The following CHL1 variants were observed in gnomAD, a reference collection of about 807,000 sequenced individuals.
CHL1 encodes cell adhesion molecule L1 like.
CHL1 carries 96 observed loss-of-function variants against 141.9 expected under a neutral mutation model. That is an observed-to-expected ratio of 0.68 (90% CI 0.57 to 0.80). The LOEUF is 0.80. Among genes scored for constraint, CHL1 ranks in the 30% least tolerant of loss-of-function variants. The pLI, the probability that CHL1 is intolerant of heterozygous loss-of-function variation, is 0.00. For missense variants in CHL1, 1,820 were observed against 1,457.2 expected, an observed-to-expected ratio of 1.25 and a Z score of -4.05; for synonymous variants, 613 against 502.2, an observed-to-expected ratio of 1.22 and a Z score of -2.95.
intron 2 of CHL1, among the ~76,000 whole-genome samples, chr3:266,636 C>T (rs1695182484): frequency 6.6e-6 from 1 of 152,078 alleles, no homozygotes; most frequent in African/African-American, 2.4e-5. Context: ...GTGTGGTTTT[C>T]CTGCATCAAA....
chr3:364,741 G>T (rs539404688), intron 14 of CHL1, among the ~76,000 whole-genome samples: 12 of 152,162 alleles, frequency 7.9e-5, no homozygotes, highest in Admixed American at 2.6e-4. Context: ...GCAGATTTGG[G>T]TTCAAATCCT....
intron 3 of CHL1, among the ~76,000 whole-genome samples, chr3:323,819 C>G (rs1037719040): frequency 6.6e-6 from 1 of 152,052 alleles, no homozygotes. Flanking sequence ...GAGCAATGAT[C>G]CTGCCACTGC....
chr3:275,471 G>C (rs1386612303), intron 2 of CHL1, among the ~76,000 whole-genome samples: 5 of 152,086 alleles, frequency 3.3e-5, no homozygotes, highest in Non-Finnish European at 7.4e-5. Context: ...CGTAGGCCTA[G>C]GTTTACCACA....
rs1306574012 is a variant in CHL1 at position 238,991 on chromosome 3, C to T, written c.-174-5622C>T. Among the ~76,000 whole-genome samples the T allele has an allele frequency of 3.3e-5, 5 of 151,558 alleles. No individual in the cohort carries two copies. In the East Asian group the frequency reaches 9.7e-4, roughly 29 times the overall value. Reference sequence around the variant, plus strand: ...TTTTTTTTGTCTTGTGAGAATAAGGCATGTAGCTGCTCACACATGTAGCTT... The same window carrying T: ...TTTTTTTTGTCTTGTGAGAATAAGGTATGTAGCTGCTCACACATGTAGCTT... On this transcript the variant is annotated intron_variant, in intron 1 of 27. Transcript: ENST00000256509.
chr3:365,464 A>ACTTC (rs1280840457), intron 14 of CHL1, among the ~76,000 whole-genome samples: 1 of 152,192 alleles, frequency 6.6e-6, no homozygotes, highest in Non-Finnish European at 1.5e-5. Context: ...CACAGGCCCT[A>ACTTC]CTTCCCTGAG....
At chr3:242,743 GAT>G (rs1361432967) in intron 1 of CHL1, among the ~76,000 whole-genome samples, 2 of 151,976 alleles carry the variant, frequency 1.3e-5, no homozygotes, top group Admixed American at 6.6e-5. Flanking sequence ...TTACATACAT[GAT>G]TAATGTGAAT....
chr3:352,996 G>A lies in CHL1; in HGVS notation c.1034-1644G>A, dbSNP rs2125218159. The stretch of plus-strand genomic sequence containing the variant: ...TGTGTATTTATCTGTGGAATGGCGA[G>A]AACAGGAACTGGAGCTTCCTTTGCT... On this transcript the variant is annotated intron_variant, in intron 10 of 27. Coordinates refer to ENST00000256509, the MANE Select transcript of CHL1 (RefSeq NM_006614.4). Among the ~76,000 whole-genome samples, 2 of 152,294 alleles carry A rather than the reference G, an allele frequency of 1.3e-5. 1 individual carries two copies. Among genetic ancestry groups the A allele is most frequent in the South Asian group, 4.1e-4 (2 of 4,830 alleles).
rs181680634 is a variant in CHL1, at chr3:247,551, G to A, written c.-95+2859G>A. 2.0e-5 allele frequency: 3 copies of A among 152,138 alleles called. No homozygotes were observed. In the East Asian group the frequency reaches 5.8e-4, roughly 29 times the overall value. The allele number at this position is 152,138 out of a possible 1,614,324, so 9.4% of individuals were successfully genotyped here. A position where few individuals can be genotyped will look rare whatever the true frequency, so the allele number is the denominator to read the frequency against. On this transcript the variant is annotated intron_variant, in intron 2 of 27. Transcript: ENST00000256509. ...AGAAGAAAGAGAGGAACAGAAGGAG[G>A]GAAAGATTTTCCTGATAGATCACTT...
chr3:215,281 G>A (rs1700223096), intron 1 of CHL1, among the ~76,000 whole-genome samples: 1 of 152,108 alleles, frequency 6.6e-6, no homozygotes, highest in African/African-American at 2.4e-5. Context: ...GAATCTAGAG[G>A]ACAATATGCT....
At chr3:269,084 C>G (rs533539232) in intron 2 of CHL1, among the ~76,000 whole-genome samples, 1 of 152,196 alleles carries the variant, frequency 6.6e-6, no homozygotes, top group Non-Finnish European at 1.5e-5. Flanking sequence ...TGGTCAGAAT[C>G]CTGTCTCAGG....
intron 2 of CHL1, among the ~76,000 whole-genome samples, chr3:257,211 A>G (rs1419484876): frequency 6.6e-6 from 1 of 152,124 alleles, no homozygotes; most frequent in Non-Finnish European, 1.5e-5. Context: ...TAAATAATAA[A>G]CTTACATAAA....
intron 2 of CHL1, chr3:247,861 G>A (rs1444123135): frequency 1.3e-5 from 2 of 152,030 alleles, no homozygotes. Context: ...ATAAATAATC[G>A]AAGTTGTATG....
intron 2 of CHL1, among the ~76,000 whole-genome samples, chr3:264,218 C>T (rs189669420): frequency 1.9e-4 from 29 of 152,238 alleles, no homozygotes; most frequent in East Asian, 5.8e-4. Context: ...TATTTCTCTA[C>T]GCACTTTTAA....
chr3:314,083 C>G (rs1181542298), intron 2 of CHL1, among the ~76,000 whole-genome samples: 1 of 151,678 alleles, frequency 6.6e-6, no homozygotes, highest in Non-Finnish European at 1.5e-5. Context: ...GTCTTTTTTT[C>G]TGTTTGTTTT....
intron 2 of CHL1, among the ~76,000 whole-genome samples, chr3:283,932 A>C (rs774534564): frequency 3.3e-5 from 5 of 152,238 alleles, no homozygotes; most frequent in Admixed American, 6.5e-5. Context: ...GACTAATAGT[A>C]GGGAATTTAT....
In CHL1 at chr3:372,138, T is replaced by C. The variant is rs1705719708; in HGVS notation, c.1752-5680T>C. Among the ~76,000 whole-genome samples, 3 of 152,190 alleles carry C rather than the reference T, an allele frequency of 2.0e-5. No individual in the cohort carries two copies. The South Asian group carries it at 6.2e-4, about 31-fold the overall frequency. ...AGTGGTGTACTCTGTATTTCCTTAATTTGCATGTTGGCCTGTCTTGCTAGG... is the reference window on the plus strand; with the variant it reads ...AGTGGTGTACTCTGTATTTCCTTAACTTGCATGTTGGCCTGTCTTGCTAGG... On this transcript the variant is annotated intron_variant, in intron 15 of 27. Transcript: ENST00000256509.
At chr3:278,480 C>A (rs888932645) in intron 2 of CHL1, among the ~76,000 whole-genome samples, 6 of 152,212 alleles carry the variant, frequency 3.9e-5, no homozygotes, top group Admixed American at 3.9e-4. Context: ...ATGTCACACA[C>A]TACTGCAAGC....
chr3:284,482 A>G (rs1290901720), intron 2 of CHL1, among the ~76,000 whole-genome samples: 1 of 152,218 alleles, frequency 6.6e-6, no homozygotes. Context: ...CCGTGTGAGA[A>G]GTCTGACGTT....
chr3:348,101 C>T (rs1163253744), intron 9 of CHL1, among the ~76,000 whole-genome samples: 1 of 152,076 alleles, frequency 6.6e-6, no homozygotes, highest in African/African-American at 2.4e-5. Flanking sequence ...TGACAGGAAG[C>T]ATATATTCTA....
Sources: allele counts gnomAD v4.1 joint callset (sites outside exome capture counted in the v4.1 genomes callset), GRCh38; gene constraint gnomAD v4.1.1; transcripts MANE v1.5; gene names NCBI Gene and HGNC (gene_info 2026-07-23, HGNC 2026-07-21).